NOP56: variants seen among roughly 807,000 people sequenced by gnomAD.
NOP56 encodes nucleolar protein 56.
Under a neutral mutation model 58.3 loss-of-function variants are expected in NOP56, and 31 were observed. That is an observed-to-expected ratio of 0.53 (90% confidence interval 0.40 to 0.72). NOP56 has a LOEUF of 0.72. NOP56 is among the 30% of genes least tolerant of loss of function. The pLI, the probability that NOP56 is intolerant of heterozygous loss-of-function variation, is 0.00. For synonymous variants in NOP56, 313 were observed against 282.8 expected (o/e 1.11, Z -1.07); for missense variants, 669 against 739.9 (o/e 0.90, Z 1.11).
At chr20:2,657,823 A>T in intron 11 of NOP56, 106 bp from the exon 12 acceptor site, 1 of 1,277,818 alleles carries the variant, frequency 7.8e-7, no homozygotes, top group South Asian at 1.6e-5. Flanking sequence ...TATCCCAGAA[A>T]CACTGGGCAA....
chr20:2,655,654 T>C lies in NOP56; in HGVS notation c.817T>C (p.Ser273Pro). ...NIESFSSRVV[S>P]LSEYRQSLHT... ...CGAGAGCTTCTCCAGTCGTGTGGTG[T>C]CTTTATCTGAATACCGCCAGAGCCT... The change falls in exon 7 of 12, where the codon TCT becomes CCT. Residue 273 changes from serine to proline, a missense_variant. Physicochemically the swap from Ser to Pro is moderately conservative, Grantham distance 74. This residue lies in a region of NOP56 where 339 missense variants were observed against 430.5 expected (regional missense o/e 0.79). Transcript: ENST00000329276. 1 of 1,614,184 alleles carries C rather than the reference T, an allele frequency of 6.2e-7. No homozygotes were observed. Among genetic ancestry groups the C allele is most frequent in the Non-Finnish European group, 8.5e-7 (1 of 1,180,028 alleles).
Position 2,657,942 on chromosome 20 carries a change from A to G in NOP56, c.1433A>G (p.Lys478Arg). 6.3e-7 allele frequency: 1 copy of G among 1,586,450 alleles called. No individual in the cohort carries two copies. The highest frequency in any genetic ancestry group is 8.6e-7 in the Non-Finnish European group (1 of 1,165,986). ...TPEECEEMSE[K>R]PKKKKKQKPQ... ...CCTTCCCTTTAGGAGATGAGTGAAA[A>G]ACCCAAAAAGAAGAAAAAGCAAAAG... Residue 478 changes from lysine (K) to arginine (R), a missense_variant, in exon 12 of 12, where the codon AAA becomes AGA. By Grantham distance (26) the Lys-to-Arg change is conservative. This residue lies in a region of NOP56 where 209 missense variants were observed against 196.2 expected (regional missense o/e 1.07). Coordinates refer to ENST00000329276, the MANE Select transcript of NOP56 (RefSeq NM_006392.4).
Position 2,652,870 on chromosome 20 carries a change from C to T in NOP56, c.32C>T (p.Ala11Val). ...CTGTTGCACGTGCTGTTTGAGCACGCGGTCGGCTACGCGCTGCTGGCGCTG... is the reference window on the plus strand; with the variant it reads ...CTGTTGCACGTGCTGTTTGAGCACGTGGTCGGCTACGCGCTGCTGGCGCTG... MVLLHVLFEH[A>V]VGYALLALKE... The change falls in exon 2 of 12, where the codon GCG becomes GTG. Residue 11 changes from alanine to valine, a missense_variant. Physicochemically the swap from Ala to Val is moderately conservative, Grantham distance 64 (BLOSUM62 0). Around this residue, in one of 3 missense-constraint regions of NOP56, gnomAD observed 121 missense variants for 113.1 expected, o/e 1.07. Coordinates refer to ENST00000329276, the MANE Select transcript of NOP56 (RefSeq NM_006392.4). 2 of 1,611,460 alleles carry T rather than the reference C, an allele frequency of 1.2e-6. No individual in the cohort carries two copies. The highest frequency in any genetic ancestry group is 1.7e-6 in the Non-Finnish European group (2 of 1,179,200).
intron 10 of NOP56, 78 bp from the exon 11 acceptor site, chr20:2,657,003 C>G: frequency 1.2e-6 from 2 of 1,613,574 alleles, no homozygotes; most frequent in Non-Finnish European, 1.7e-6. Context: ...ATTTAATGAG[C>G]CTGATCCAAT....
chr20:2,656,896 G>A lies in NOP56; in HGVS notation c.1281+1G>A. ...TGTCATGAAGGAAGCAATGGTTCAGGTCAGTTGGGCTTTGCTGGGTGTGGA... is the reference window on the plus strand; with the variant it reads ...TGTCATGAAGGAAGCAATGGTTCAGATCAGTTGGGCTTTGCTGGGTGTGGA... On this transcript the variant is annotated splice_donor_variant, in intron 10 of 11. Transcript: ENST00000329276. LOFTEE classifies it high-confidence loss of function. The A allele has an allele frequency of 6.2e-7, 1 of 1,614,182 alleles. No homozygotes were observed. Among genetic ancestry groups the A allele is most frequent in the Non-Finnish European group, 8.5e-7 (1 of 1,180,036 alleles).
chr20:2,657,040 C>T (rs2086831642), intron 10 of NOP56, 41 bp from the exon 11 acceptor site: 2 of 1,613,926 alleles, frequency 1.2e-6, no homozygotes, highest in Admixed American at 1.7e-5. Context: ...CCTCAGAGCA[C>T]CAGAAGTCTT....
At chr20:2,657,886 T>C in intron 11 of NOP56, 43 bp from the exon 12 acceptor site, 1 of 1,532,038 alleles carries the variant, frequency 6.5e-7, no homozygotes. Flanking sequence ...GAAGATGTAA[T>C]GAGCACTGTT....
rs34450120 is a variant in NOP56, at chr20:2,654,858, T to C, written c.480T>C (p.Asn160=). Residue 160 remains asparagine (N), a synonymous_variant, in exon 5 of 12, where the codon AAT becomes AAC. Coordinates refer to ENST00000329276, the MANE Select transcript of NOP56 (RefSeq NM_006392.4). ...HSYSRAKVKF[N]VNRVDNMIIQ... is the part of the protein sequence containing the mutation. The stretch of plus-strand genomic sequence containing the variant: ...ATTCCCGTGCCAAAGTTAAGTTTAA[T>C]GTGAACCGGGTGGACAATATGATCA... The C allele has an allele frequency of 5.0e-3, 8,110 of 1,614,208 alleles. 157 individuals are homozygous for C. Among genetic ancestry groups the C allele is most frequent in the African/African-American group, 0.042 (3,133 of 75,038 alleles).
intron 11 of NOP56, 58 bp downstream of exon 11, chr20:2,657,276 A>G: frequency 6.2e-7 from 1 of 1,611,028 alleles, no homozygotes. Context: ...TCAACAGCAG[A>G]ACAAAGGATA....
chr20:2,656,035 G>A lies in NOP56; in HGVS notation c.1010+1G>A, dbSNP rs2086812144. ...TTGGGGCTGAAAAGGCCCTGTTCAG[G>A]TACCAGTGAGGGCACCTGCCCACAA... On this transcript the variant is annotated splice_donor_variant, in intron 8 of 11. Coordinates refer to ENST00000329276, the MANE Select transcript of NOP56 (RefSeq NM_006392.4). LOFTEE classifies it high-confidence loss of function. 2.5e-6 allele frequency: 4 copies of A among 1,614,138 alleles called. No individual in the cohort carries two copies. Among genetic ancestry groups the A allele is most frequent in the South Asian group, 1.1e-5 (1 of 91,088 alleles).
intron 2 of NOP56, 136 bp from the exon 3 acceptor site, chr20:2,653,143 A>G: frequency 2.4e-6 from 2 of 844,990 alleles, no homozygotes; most frequent in Admixed American, 4.4e-5. Flanking sequence ...CCCCCGAACG[A>G]TTAAAGCAGA....
intron 9 of NOP56, 61 bp from the exon 10 acceptor site, chr20:2,656,713 C>T (rs907821818): frequency 2.5e-6 from 4 of 1,613,746 alleles, no homozygotes; most frequent in Admixed American, 1.7e-5. Context: ...GTAGAGGGAA[C>T]ACAGGGTTGG....
At chr20:2,656,724 G>C (rs948476293) in intron 9 of NOP56, 50 bp from the exon 10 acceptor site, 1 of 1,614,018 alleles carries the variant, frequency 6.2e-7, no homozygotes, top group Non-Finnish European at 8.5e-7. Flanking sequence ...ACAGGGTTGG[G>C]GTAGTTTCTC....
chr20:2,654,204 GCC>G lies in NOP56; in HGVS notation c.209-209_209-208del, dbSNP rs1378316649. The G allele has an allele frequency of 1.5e-5, 11 of 751,962 alleles. No homozygotes were observed. The African/African-American group carries it at 1.9e-4, about 13-fold the overall frequency. 46.6% of individuals were successfully genotyped at this position (751,962 alleles called of 1,614,324 possible). ...TGAATGCAGTTGTTCCCATGGCTGG[GCC>G]AGGCTTTGCAGTGATGACTTGCGAA... On this transcript the variant is annotated intron_variant, in intron 3 of 11. Coordinates refer to ENST00000329276, the MANE Select transcript of NOP56 (RefSeq NM_006392.4).
intron 9 of NOP56, 103 bp from the exon 10 acceptor site, chr20:2,656,671 T>C (rs2086823856): frequency 1.2e-6 from 2 of 1,608,040 alleles, no homozygotes; most frequent in East Asian, 2.2e-5. Flanking sequence ...ACCTAGTGAG[T>C]GTTGAGACTC....
Position 2,654,399 on chromosome 20 carries a change from G to A in NOP56, c.209-15G>A. On this transcript the variant is annotated splice_polypyrimidine_tract_variant and intron_variant, in intron 3 of 11. Transcript: ENST00000329276. ...CCTTCAGCCTGTTAGTGGGAACTGT[G>A]TTCTTTCCCCTGAGGGGTTGTTCAT... 1.2e-6 allele frequency: 2 copies of A among 1,614,054 alleles called. No individual in the cohort carries two copies. The highest frequency in any genetic ancestry group is 1.7e-5 in the Admixed American group (1 of 60,012).
At chr20:2,657,396 C>A in intron 11 of NOP56, 178 bp downstream of exon 11, 1 of 931,008 alleles carries the variant, frequency 1.1e-6, no homozygotes, top group Non-Finnish European at 1.7e-6. Flanking sequence ...GCTGAACTTG[C>A]TCAAGAGCCC....
chr20:2,652,736 C>CCTGGGCCTGGGG (rs1555779357), intron 1 of NOP56, 73 bp downstream of exon 1: 1 of 1,476,232 alleles, frequency 6.8e-7, no homozygotes, highest in Non-Finnish European at 9.1e-7. Context: ...GCAGACAGGG[C>CCTGGGCCTGGGG]CTGGGCCTGG....
Position 2,654,731 on chromosome 20 carries a change from G to C in NOP56, c.371-18G>C, listed in dbSNP as rs188894909. The C allele has an allele frequency of 6.2e-7, 1 of 1,613,028 alleles. No homozygotes were observed. Among genetic ancestry groups the C allele is most frequent in the East Asian group, 2.2e-5 (1 of 44,890 alleles). On this transcript the variant is annotated intron_variant, in intron 4 of 11. Transcript: ENST00000329276. ...AGCTCAGAGCCCCTTGTTGCTCACC[G>C]TCTTGCCCTCTTCTTAGGAGTTCGT...
Sources: allele counts gnomAD v4.1 joint callset, GRCh38; gene constraint gnomAD v4.1.1; regional missense constraint gnomAD v4.1.1; transcripts MANE v1.5; gene names NCBI Gene and HGNC (gene_info 2026-07-23, HGNC 2026-07-21).